MYO1E: variants seen among roughly 807,000 people sequenced by gnomAD.
The protein encoded by MYO1E is unconventional myosin-Ie.
In MYO1E, 68 loss-of-function variants were observed where a neutral mutation model predicts 151.1. The ratio of observed to expected loss-of-function variants is 0.45; its 90% CI spans 0.37 to 0.55. The LOEUF is 0.55. Ranked by LOEUF, MYO1E falls within the 20% of genes least tolerant of loss-of-function variation. MYO1E has a pLI of 0.00. For synonymous variants in MYO1E, 601 were observed against 501.7 expected, an observed-to-expected ratio of 1.20 and a Z score of -2.64; for missense variants, 1,363 against 1,389.3, an observed-to-expected ratio of 0.98 and a Z score of 0.30.
At chr15:59,360,072 T>C (rs2080876898) in intron 1 of MYO1E, among the ~76,000 whole-genome samples, 1 of 152,182 alleles carries the variant, frequency 6.6e-6, no homozygotes, top group Admixed American at 6.5e-5. Flanking sequence ...AGATTGGTCA[T>C]GAGTTGTCAA....
intron 1 of MYO1E, among the ~76,000 whole-genome samples, chr15:59,278,553 G>A (rs12593510): frequency 0.13 from 19,863 of 152,176 alleles, 1,908 homozygotes; most frequent in East Asian, 0.46. Context: ...AAGGCACTGG[G>A]CTTGCAAACT....
intron 8 of MYO1E, among the ~76,000 whole-genome samples, chr15:59,223,911 A>G (rs113335716): frequency 0.014 from 2,088 of 152,218 alleles, 46 homozygotes; most frequent in African/African-American, 0.048. Context: ...TGTTGATACC[A>G]TTTTGTTTCC....
chr15:59,332,815 G>A (rs976162906), intron 1 of MYO1E, among the ~76,000 whole-genome samples: 2 of 151,864 alleles, frequency 1.3e-5, no homozygotes, highest in Non-Finnish European at 2.9e-5. Context: ...CTCCCACCTC[G>A]GCCGCCCAAA....
intron 2 of MYO1E, among the ~76,000 whole-genome samples, chr15:59,268,720 A>ATTTTGTTTTTTTTTTTTTTTTTTTTTT (rs2080271394): frequency 8.9e-5 from 4 of 44,904 alleles, no homozygotes; most frequent in Non-Finnish European, 1.5e-4. Flanking sequence ...TGACTTTGGT[A>ATTTTGTTTTTTTTTTTTTTTTTTTTTT]TTTTTTTTTT....
At chr15:59,162,160 C>T (rs1296053742) in intron 23 of MYO1E, among the ~76,000 whole-genome samples, 2 of 152,250 alleles carry the variant, frequency 1.3e-5, no homozygotes, top group African/African-American at 4.8e-5. Flanking sequence ...CTCAGCCTCC[C>T]GAGTAGCTGG....
chr15:59,207,043 C>T lies in MYO1E; in HGVS notation c.1531-1558G>A, dbSNP rs775856813. Reference sequence around the variant, plus strand: ...GGCCCTGTGTCCGCGTCAAGCAACGCGCATCCCGCTCAACGGCACCTGGCT... The same window carrying T: ...GGCCCTGTGTCCGCGTCAAGCAACGTGCATCCCGCTCAACGGCACCTGGCT... On this transcript the variant is annotated intron_variant, in intron 14 of 27. Transcript: ENST00000288235. 6 of 1,614,122 alleles carry T rather than the reference C, an allele frequency of 3.7e-6. No homozygotes were observed. In the South Asian group the frequency reaches 4.4e-5, roughly 12 times the overall value.
rs1354267039 is a variant in MYO1E at position 59,133,590 on chromosome 15, A to G, written c.*3790T>C. On this transcript the variant is annotated 3_prime_UTR_variant, in exon 28 of 28. Transcript: ENST00000288235. ...CTAAATCCAGAAAGAACTGCAATCA[A>G]TCAGCTAGGCCTTGGGAGAAAAGCA... 1 of 152,214 alleles carries G rather than the reference A, an allele frequency of 6.6e-6. No individual in the cohort carries two copies. The highest frequency in any genetic ancestry group is 2.4e-5 in the African/African-American group (1 of 41,430). 9.4% of individuals were successfully genotyped at this position (152,214 alleles called of 1,614,324 possible).
At chr15:59,255,176 A>G (rs183653984) in intron 4 of MYO1E, among the ~76,000 whole-genome samples, 1,561 of 151,970 alleles carry the variant, frequency 0.01, 30 homozygotes, top group African/African-American at 0.035. Flanking sequence ...ATGCAATGGC[A>G]CAATCTCAGC....
At chr15:59,294,041 C>T (rs562656227) in intron 1 of MYO1E, among the ~76,000 whole-genome samples, 12 of 152,314 alleles carry the variant, frequency 7.9e-5, no homozygotes, top group Non-Finnish European at 1.8e-4. Context: ...GACCCTGTCT[C>T]AAACAAAACA....
intron 8 of MYO1E, among the ~76,000 whole-genome samples, chr15:59,223,843 C>A (rs1458698780): frequency 6.6e-6 from 1 of 152,138 alleles, no homozygotes; most frequent in Non-Finnish European, 1.5e-5. Flanking sequence ...ACTCTAGGAC[C>A]AGTGTGCAGA....
intron 2 of MYO1E, among the ~76,000 whole-genome samples, chr15:59,270,103 T>C (rs1194005068): frequency 1.3e-5 from 2 of 152,194 alleles, no homozygotes; most frequent in African/African-American, 2.4e-5. Flanking sequence ...GTCACCACCC[T>C]GATCCAGAAG....
chr15:59,183,518 G>C (rs556322775), intron 18 of MYO1E, among the ~76,000 whole-genome samples: 47 of 151,974 alleles, frequency 3.1e-4, no homozygotes, highest in African/African-American at 1.1e-3. Flanking sequence ...TTTTTTTGGG[G>C]GGTGGATACA....
chr15:59,273,738 T>C (rs537698628), intron 1 of MYO1E, among the ~76,000 whole-genome samples: 14 of 152,310 alleles, frequency 9.2e-5, no homozygotes, highest in Admixed American at 3.3e-4. Flanking sequence ...TATGAAGTAA[T>C]GGCAAATATT....
At chr15:59,294,699 G>A (rs1264199712) in intron 1 of MYO1E, among the ~76,000 whole-genome samples, 1 of 152,142 alleles carries the variant, frequency 6.6e-6, no homozygotes, top group Non-Finnish European at 1.5e-5. Flanking sequence ...GGTTTCTCTT[G>A]CCCTCAGGGG....
At chr15:59,358,537 A>T (rs949459763) in intron 1 of MYO1E, among the ~76,000 whole-genome samples, 4 of 152,200 alleles carry the variant, frequency 2.6e-5, no homozygotes, top group African/African-American at 9.7e-5. Context: ...CTACACCCCA[A>T]GCCCTAGTTC....
chr15:59,250,676 G>GC (rs1252137005), intron 4 of MYO1E, among the ~76,000 whole-genome samples: 1 of 152,180 alleles, frequency 6.6e-6, no homozygotes, highest in African/African-American at 2.4e-5. Flanking sequence ...GGCCTGGGGA[G>GC]CCCTGAACAT....
chr15:59,177,499 T>G lies in MYO1E; in HGVS notation c.2049+894A>C, dbSNP rs183504355. The stretch of plus-strand genomic sequence containing the variant: ...GATTTCCCCTTGGTCTGATGACTGA[T>G]TTCTGCCAAGTTCATCACTGACTCT... On this transcript the variant is annotated intron_variant, in intron 19 of 27. Transcript: ENST00000288235. Among the ~76,000 whole-genome samples the G allele has an allele frequency of 7.9e-5, 12 of 152,322 alleles. No individual in the cohort carries two copies. In the East Asian group the frequency reaches 1.2e-3, roughly 15 times the overall value.
At chr15:59,211,085 G>A (rs1234455641) in intron 12 of MYO1E, among the ~76,000 whole-genome samples, 5 of 151,702 alleles carry the variant, frequency 3.3e-5, no homozygotes, top group Admixed American at 1.3e-4. Flanking sequence ...CTGTAATCCC[G>A]GCTACTTGGG....
At chr15:59,285,661 T>TA (rs1253378859) in intron 1 of MYO1E, among the ~76,000 whole-genome samples, 5 of 151,694 alleles carry the variant, frequency 3.3e-5, no homozygotes, top group Admixed American at 1.3e-4. Context: ...ACACTGTCTT[T>TA]AAAAAAAATA....
Sources: gnomAD v4.1 joint callset for allele counts (sites outside exome capture counted in the v4.1 genomes callset) on GRCh38, gnomAD v4.1.1 for gene constraint, MANE v1.5 for transcripts, NCBI Gene and HGNC (gene_info 2026-07-23, HGNC 2026-07-21) for gene names.